IL1RAPL1: variants seen among roughly 807,000 people sequenced by gnomAD.
The protein encoded by IL1RAPL1 is interleukin-1 receptor accessory protein-like 1.
IL1RAPL1 carries 3 observed loss-of-function variants against 48.4 expected under a neutral mutation model. The ratio of observed to expected loss-of-function variants is 0.06; its 90% confidence interval spans 0.03 to 0.16. The LOEUF (loss-of-function observed/expected upper bound fraction) is 0.16. Ranked by LOEUF, IL1RAPL1 falls within the 10% of genes least tolerant of loss-of-function variation. IL1RAPL1 has a pLI of 1.00. For missense variants in IL1RAPL1, 349 were observed against 530.6 expected (o/e 0.66, Z 3.36); for synonymous variants, 185 against 187.7 (o/e 0.99, Z 0.12).
chrX:29,405,675 T>C (rs1489128186), intron 5 of IL1RAPL1, among the ~76,000 whole-genome samples: 1 of 110,619 alleles, frequency 9.0e-6, no homozygotes, highest in African/African-American at 3.3e-5. Flanking sequence ...CTCTGTGTTC[T>C]TTCAAGATTG....
intron 5 of IL1RAPL1, among the ~76,000 whole-genome samples, chrX:29,598,071 G>A (rs1486651681): frequency 1.8e-5 from 2 of 111,246 alleles, no homozygotes; most frequent in Non-Finnish European, 3.8e-5. Context: ...GCTGGGTTTG[G>A]GTTTGGATTG....
At chrX:29,071,258 T>C (rs1927559402) in intron 2 of IL1RAPL1, among the ~76,000 whole-genome samples, 1 of 111,412 alleles carries the variant, frequency 9.0e-6, no homozygotes, top group Non-Finnish European at 1.9e-5. Flanking sequence ...AGAAGGTCAT[T>C]GGGTCAGGCA....
chrX:29,748,892 C>CT lies in IL1RAPL1; in HGVS notation c.778+80389dup, dbSNP rs1367222552. ...TACTGCCTTTCTGTTTTAGAGTCAT[C>CT]TAAAAAAAAGTCATCTAAGAAAAGT... On this transcript the variant is annotated intron_variant, in intron 6 of 10. Coordinates refer to ENST00000378993, the MANE Select transcript of IL1RAPL1 (RefSeq NM_014271.4). Among the ~76,000 whole-genome samples the CT allele has an allele frequency of 9.9e-5, 11 of 110,879 alleles. No homozygotes were observed. The Admixed American group carries it at 1.1e-3, about 11-fold the overall frequency.
chrX:29,849,949 G>T (rs1202099430), intron 6 of IL1RAPL1, among the ~76,000 whole-genome samples: 1 of 111,778 alleles, frequency 8.9e-6, no homozygotes, highest in East Asian at 2.8e-4. Context: ...ATTACCCAGA[G>T]AACTTGGCCC....
intron 5 of IL1RAPL1, among the ~76,000 whole-genome samples, chrX:29,449,678 T>A (rs1186995736): frequency 9.6e-6 from 1 of 104,563 alleles, no homozygotes; most frequent in Non-Finnish European, 1.9e-5. Flanking sequence ...AGAAACCAAC[T>A]GGTGAAGATC....
chrX:29,612,443 T>C (rs1924126698), intron 5 of IL1RAPL1, among the ~76,000 whole-genome samples: 1 of 110,899 alleles, frequency 9.0e-6, no homozygotes, highest in South Asian at 3.8e-4. Context: ...AGAACTACAA[T>C]GAAAGAGCAC....
intron 6 of IL1RAPL1, among the ~76,000 whole-genome samples, chrX:29,695,930 A>G (rs1926901264): frequency 8.9e-6 from 1 of 111,831 alleles, no homozygotes; most frequent in African/African-American, 3.3e-5. Flanking sequence ...AAACTTCAGA[A>G]TAGATGGCAA....
intron 5 of IL1RAPL1, among the ~76,000 whole-genome samples, chrX:29,621,953 T>C (rs1326400632): frequency 1.8e-5 from 2 of 112,118 alleles, no homozygotes; most frequent in African/African-American, 6.5e-5. Flanking sequence ...TAACAACCAA[T>C]ATGCTATCTT....
intron 5 of IL1RAPL1, among the ~76,000 whole-genome samples, chrX:29,506,438 TCTCCTC>T (rs562607187): frequency 5.5e-5 from 5 of 90,633 alleles, no homozygotes; most frequent in African/African-American, 1.3e-4. Context: ...TCCTTCTCCT[TCTCCTC>T]CTCCTCCTCC....
intron 5 of IL1RAPL1, among the ~76,000 whole-genome samples, chrX:29,455,859 T>C (rs750493798): frequency 9.0e-6 from 1 of 111,252 alleles, no homozygotes; most frequent in East Asian, 2.8e-4. Flanking sequence ...ACGTTAAAAT[T>C]GTTAGGGAAA....
chrX:28,707,289 A>G (rs1353638814), intron 1 of IL1RAPL1, among the ~76,000 whole-genome samples: 1 of 112,409 alleles, frequency 8.9e-6, no homozygotes, highest in African/African-American at 3.2e-5. Context: ...ATGATGGATG[A>G]GAAATGGTAA....
chrX:28,825,123 A>G (rs915774958), intron 2 of IL1RAPL1, among the ~76,000 whole-genome samples: 1 of 111,947 alleles, frequency 8.9e-6, no homozygotes, highest in Non-Finnish European at 1.9e-5. Context: ...CAATTAACAC[A>G]TTATGTGACA....
At chrX:29,336,269 CATATAT>C (rs57126796) in intron 3 of IL1RAPL1, among the ~76,000 whole-genome samples, 2 of 57,474 alleles carry the variant, frequency 3.5e-5, no homozygotes, top group African/African-American at 6.2e-5. Context: ...ATATATATGC[CATATAT>C]ATATATATAT....
chrX:28,806,558 A>T (rs1302847360), intron 2 of IL1RAPL1, among the ~76,000 whole-genome samples: 1 of 111,420 alleles, frequency 9.0e-6, no homozygotes, highest in Non-Finnish European at 1.9e-5. Flanking sequence ...CTCAGAACGG[A>T]TCATAACAAA....
In IL1RAPL1 at chrX:28,993,384, G is replaced by C. The variant is rs113674495; in HGVS notation, c.82+203959G>C. 1.9e-3 allele frequency among the ~76,000 whole-genome samples: 208 copies of C among 111,868 alleles called. 1 individual carries two copies. Among genetic ancestry groups the C allele is most frequent in the Middle Eastern group, 9.3e-3 (2 of 215 alleles). ...GTGAAGGAGCTGTTGCCATTGTCCAGAGGAGACATGATGGTGGCTGGCACT... is the reference window on the plus strand; with the variant it reads ...GTGAAGGAGCTGTTGCCATTGTCCACAGGAGACATGATGGTGGCTGGCACT... On this transcript the variant is annotated intron_variant, in intron 2 of 10. Coordinates refer to ENST00000378993, the MANE Select transcript of IL1RAPL1 (RefSeq NM_014271.4).
chrX:29,753,320 AT>A (rs1928536198), intron 6 of IL1RAPL1, among the ~76,000 whole-genome samples: 1 of 111,819 alleles, frequency 8.9e-6, no homozygotes, highest in South Asian at 3.7e-4. Flanking sequence ...CTAAAAATAA[AT>A]GGCCTACCCT....
intron 3 of IL1RAPL1, among the ~76,000 whole-genome samples, chrX:29,342,230 G>T (rs1361659429): frequency 9.1e-6 from 1 of 110,086 alleles, no homozygotes; most frequent in Admixed American, 9.8e-5. Flanking sequence ...AGTTAATTGG[G>T]ACTTAAAACC....
In IL1RAPL1 at chrX:29,047,858, C is replaced by G. The variant is rs748113912; in HGVS notation, c.83-235080C>G. ...CCTGCCTCAGCCTCCTAAATTCAAC[C>G]TTTTTTTAAAGTTTTCCTCATTAAC... On this transcript the variant is annotated intron_variant, in intron 2 of 10. Transcript: ENST00000378993. Among the ~76,000 whole-genome samples the G allele has an allele frequency of 3.6e-5, 4 of 110,619 alleles. No individual in the cohort carries two copies. The East Asian group carries it at 8.5e-4, about 24-fold the overall frequency.
At chrX:29,200,007 G>C (rs1454043477) in intron 2 of IL1RAPL1, among the ~76,000 whole-genome samples, 1 of 111,348 alleles carries the variant, frequency 9.0e-6, no homozygotes, top group Non-Finnish European at 1.9e-5. Context: ...TATTCATTAA[G>C]TACCTACTGT....
Sources: allele counts gnomAD v4.1 joint callset (sites outside exome capture counted in the v4.1 genomes callset), GRCh38; gene constraint gnomAD v4.1.1; transcripts MANE v1.5; gene names NCBI Gene and HGNC (gene_info 2026-07-23, HGNC 2026-07-21).